VPS37A: variants seen among roughly 807,000 people sequenced by gnomAD.
VPS37A encodes the protein VPS37A subunit of ESCRT-I.
VPS37A carries 30 observed loss-of-function variants against 49.8 expected under a neutral mutation model. The observed-to-expected ratio is 0.60, with a 90% confidence interval of 0.45 to 0.82. The LOEUF (loss-of-function observed/expected upper bound fraction) is 0.82, where lower values mean the gene tolerates loss of function less well. Ranked by LOEUF, VPS37A falls within the 40% of genes least tolerant of loss-of-function variation. VPS37A has a pLI of 0.00. For missense variants in VPS37A, 593 were observed against 464.4 expected (o/e 1.28, Z -2.55); for synonymous variants, 195 against 160.6 (o/e 1.21, Z -1.62).
chr8:17,314,516 C>G, the VPS37A span, among the ~76,000 whole-genome samples: 18 of 152,222 alleles, frequency 1.2e-4, no homozygotes, highest in South Asian at 2.5e-3. Context: ...GCATATGGGT[C>G]ACATAGCAGC....
intron 4 of VPS37A, among the ~76,000 whole-genome samples, 184 bp from the exon 5 acceptor site, chr8:17,274,549 T>G (rs1446279419): frequency 1.4e-5 from 2 of 147,908 alleles, no homozygotes; most frequent in Non-Finnish European, 3.0e-5. Flanking sequence ...TTCGGGGGGG[T>G]GGGGTCATAT....
At chr8:17,273,618 A>G (rs970450867) in intron 4 of VPS37A, among the ~76,000 whole-genome samples, 2 of 152,064 alleles carry the variant, frequency 1.3e-5, no homozygotes, top group African/African-American at 2.4e-5. Flanking sequence ...CACCTGCCTC[A>G]GCCTCCCAAA....
the VPS37A span, among the ~76,000 whole-genome samples, chr8:17,317,398 G>A: frequency 2.0e-5 from 3 of 152,166 alleles, no homozygotes; most frequent in Admixed American, 2.0e-4. Context: ...CACGTTGGAT[G>A]CCAGTGTCCT....
rs77600719 is a variant in VPS37A at position 17,253,106 on chromosome 8, T to C, written c.125+5737T>C. Among the ~76,000 whole-genome samples, 4 of 152,120 alleles carry C rather than the reference T, an allele frequency of 2.6e-5. No individual in the cohort carries two copies. In the East Asian group the frequency reaches 7.7e-4, roughly 29 times the overall value. On this transcript the variant is annotated intron_variant, in intron 1 of 11. Transcript: ENST00000324849. Reference sequence around the variant, plus strand: ...TTAATTTTCTCATTAGAAATATTAGTCCGTTACTGCTTTAAAAAAAAGTTA... The same window carrying C: ...TTAATTTTCTCATTAGAAATATTAGCCCGTTACTGCTTTAAAAAAAAGTTA...
the VPS37A span, among the ~76,000 whole-genome samples, chr8:17,316,608 C>T: frequency 6.6e-6 from 1 of 151,876 alleles, no homozygotes; most frequent in Non-Finnish European, 1.5e-5. Context: ...TCTCGGGTTC[C>T]ACATCCTTGG....
chr8:17,293,674 A>G (rs986080782), intron 11 of VPS37A, among the ~76,000 whole-genome samples: 2 of 152,008 alleles, frequency 1.3e-5, no homozygotes, highest in Admixed American at 6.5e-5. Flanking sequence ...TGTTGATGCT[A>G]TTGCTTTCTG....
intron 1 of VPS37A, among the ~76,000 whole-genome samples, chr8:17,255,017 T>G (rs1812310746): frequency 6.6e-6 from 1 of 151,702 alleles, no homozygotes; most frequent in Admixed American, 6.6e-5. Flanking sequence ...ATTGATCTTT[T>G]TAGTAACTTG....
chr8:17,324,558 G>C, the VPS37A span, among the ~76,000 whole-genome samples: 10 of 152,236 alleles, frequency 6.6e-5, no homozygotes, highest in Non-Finnish European at 1.2e-4. Flanking sequence ...CACCTGAGCA[G>C]CTGTGTTTGA....
Position 17,258,615 on chromosome 8 carries a change from C to G in VPS37A, c.126-7292C>G, listed in dbSNP as rs771420112. ...CCTGTAGTTTTCTTTTTTCTTGTTTCTATGGGTGATGCTGATCTTGTAGAA... is the reference window on the plus strand; with the variant it reads ...CCTGTAGTTTTCTTTTTTCTTGTTTGTATGGGTGATGCTGATCTTGTAGAA... On this transcript the variant is annotated intron_variant, in intron 1 of 11. Transcript: ENST00000324849. Among the ~76,000 whole-genome samples, 8 of 151,812 alleles carry G rather than the reference C, an allele frequency of 5.3e-5. No homozygotes were observed. The South Asian group carries it at 6.2e-4, about 12-fold the overall frequency.
chr8:17,324,186 C>G, the VPS37A span, among the ~76,000 whole-genome samples: 1 of 152,198 alleles, frequency 6.6e-6, no homozygotes, highest in African/African-American at 2.4e-5. Context: ...TTGGTTACTT[C>G]TTTCAGAATA....
chr8:17,275,019 T>C, intron 5 of VPS37A, 61 bp downstream of exon 5: 1 of 1,435,474 alleles, frequency 7.0e-7, no homozygotes, highest in Non-Finnish European at 9.7e-7. Context: ...TCCACACACC[T>C]TTATTACATG....
chr8:17,289,769 A>G (rs1175359722), intron 11 of VPS37A, among the ~76,000 whole-genome samples: 1 of 152,248 alleles, frequency 6.6e-6, no homozygotes, highest in Non-Finnish European at 1.5e-5. Context: ...TGGGAACAGC[A>G]TAGAATCTAT....
chr8:17,251,689 T>A (rs1157653876), intron 1 of VPS37A, among the ~76,000 whole-genome samples: 1 of 152,246 alleles, frequency 6.6e-6, no homozygotes, highest in Admixed American at 6.5e-5. Flanking sequence ...TAAATTATTA[T>A]CTTGCACACA....
At position 17,297,729 on chromosome 8, in the gene VPS37A, G is replaced by A. The variant is rs999315802; in HGVS notation, c.*2743G>A. On this transcript the variant is annotated 3_prime_UTR_variant, in exon 12 of 12. Coordinates refer to ENST00000324849, the MANE Select transcript of VPS37A (RefSeq NM_152415.3). Reference sequence around the variant, plus strand: ...TTTGATTATTAGATATTTTAGTCTTGTTGGGGATATTTTAGTCTTGTTGGG... The same window carrying A: ...TTTGATTATTAGATATTTTAGTCTTATTGGGGATATTTTAGTCTTGTTGGG... The A allele has an allele frequency of 4.7e-5, 6 of 128,898 alleles. No homozygotes were observed. Among genetic ancestry groups the A allele is most frequent in the Non-Finnish European group, 9.1e-5 (5 of 55,020 alleles). The allele number at this position is 128,898 out of a possible 1,614,324, so 8.0% of individuals were successfully genotyped here. A position where few individuals can be genotyped will look rare whatever the true frequency, so the allele number is the denominator to read the frequency against.
chr8:17,312,080 A>G, the VPS37A span, among the ~76,000 whole-genome samples: 2 of 152,228 alleles, frequency 1.3e-5, no homozygotes, highest in South Asian at 4.1e-4. Flanking sequence ...CAAGTAATGG[A>G]TGTAAGGTTG....
chr8:17,318,137 A>T, the VPS37A span, among the ~76,000 whole-genome samples: 1 of 152,236 alleles, frequency 6.6e-6, no homozygotes, highest in Admixed American at 6.5e-5. Context: ...GCATGAGGAA[A>T]ACAAAAATCT....
At chr8:17,307,888 G>A in the VPS37A span, among the ~76,000 whole-genome samples, 1 of 151,716 alleles carries the variant, frequency 6.6e-6, no homozygotes, top group Non-Finnish European at 1.5e-5. Context: ...GGACTGTTGT[G>A]GGGTGGCGGG....
chr8:17,288,661 A>G (rs1438538746), intron 11 of VPS37A, among the ~76,000 whole-genome samples: 1 of 152,150 alleles, frequency 6.6e-6, no homozygotes, highest in Admixed American at 6.6e-5. Flanking sequence ...TGCTATTGTG[A>G]ATAGTGCTGC....
At chr8:17,316,613 C>G in the VPS37A span, among the ~76,000 whole-genome samples, 16 of 151,894 alleles carry the variant, frequency 1.1e-4, no homozygotes, top group Admixed American at 1.1e-3. Flanking sequence ...GGTTCCACAT[C>G]CTTGGAGTCA....
Sources: allele counts gnomAD v4.1 joint callset (sites outside exome capture counted in the v4.1 genomes callset), GRCh38; gene constraint gnomAD v4.1.1; transcripts MANE v1.5; gene names NCBI Gene and HGNC (gene_info 2026-07-23, HGNC 2026-07-21).